The following MBNL1 variants were observed in gnomAD, a reference collection of about 807,000 sequenced individuals.
MBNL1 encodes muscleblind-like protein 1.
MBNL1 carries 8 observed loss-of-function variants against 42.2 expected under a neutral mutation model. The observed-to-expected ratio is 0.19, with a 90% CI of 0.11 to 0.34. MBNL1 has a LOEUF of 0.34. MBNL1 is among the 10% of genes least tolerant of loss of function. The pLI is 1.00. For synonymous variants in MBNL1, 169 were observed against 173.9 expected (o/e 0.97, Z 0.22); for missense variants, 309 against 495.3 (o/e 0.62, Z 3.57).
At chr3:152,433,418 T>A (rs946925453) in intron 4 of MBNL1, among the ~76,000 whole-genome samples, 10 of 152,146 alleles carry the variant, frequency 6.6e-5, no homozygotes, top group African/African-American at 1.9e-4. Flanking sequence ...AATATTTTGG[T>A]TGAAGTAGAA....
chr3:152,314,533 G>A (rs532688107), intron 2 of MBNL1, among the ~76,000 whole-genome samples: 13 of 152,042 alleles, frequency 8.6e-5, no homozygotes, highest in East Asian at 3.9e-4. Context: ...GTGCTACCAC[G>A]CCCGGCTAAT....
chr3:152,271,833 G>T (rs1576920404), intron 1 of MBNL1, among the ~76,000 whole-genome samples: 1 of 152,116 alleles, frequency 6.6e-6, no homozygotes, highest in Admixed American at 6.5e-5. Flanking sequence ...GTCCAGTACA[G>T]TAGCCACATG....
chr3:152,408,914 T>A (rs2098502643), intron 2 of MBNL1, among the ~76,000 whole-genome samples: 1 of 152,158 alleles, frequency 6.6e-6, no homozygotes, highest in East Asian at 1.9e-4. Flanking sequence ...CAAAAATATA[T>A]CTAGCCCAAA....
At chr3:152,279,821 G>A (rs1019077300) in intron 1 of MBNL1, among the ~76,000 whole-genome samples, 17 of 152,098 alleles carry the variant, frequency 1.1e-4, no homozygotes, top group Admixed American at 1.0e-3. Context: ...ATGGTTGTTT[G>A]ATTATTTTAT....
At chr3:152,410,936 C>G (rs554719959) in intron 2 of MBNL1, among the ~76,000 whole-genome samples, 2 of 152,340 alleles carry the variant, frequency 1.3e-5, no homozygotes, top group East Asian at 3.9e-4. Flanking sequence ...AATTGAGCAA[C>G]TGCTGCTTGT....
chr3:152,335,025 C>T (rs186791931), intron 2 of MBNL1: 2 of 1,182,576 alleles, frequency 1.7e-6, no homozygotes, highest in Non-Finnish European at 1.1e-6. Flanking sequence ...ATGGTCTGCT[C>T]CAGCTTCTGC....
intron 2 of MBNL1, among the ~76,000 whole-genome samples, chr3:152,310,467 T>C (rs2152007661): frequency 6.6e-6 from 1 of 152,344 alleles, no homozygotes; most frequent in East Asian, 1.9e-4. Context: ...ATAGCAAGAT[T>C]ATGAAGCACT....
intron 2 of MBNL1, among the ~76,000 whole-genome samples, chr3:152,350,147 G>GA (rs1390771177): frequency 6.6e-6 from 1 of 152,122 alleles, no homozygotes; most frequent in African/African-American, 2.4e-5. Flanking sequence ...AAGTGTCAGA[G>GA]AATGAGTAGG....
At chr3:152,323,065 A>G (rs893907467) in intron 2 of MBNL1, among the ~76,000 whole-genome samples, 2 of 152,116 alleles carry the variant, frequency 1.3e-5, no homozygotes, top group African/African-American at 4.8e-5. Context: ...CTAACTGCCT[A>G]AGTAAACTTG....
chr3:152,275,707 C>CAA lies in MBNL1; in HGVS notation c.-790+6640_-790+6641dup, dbSNP rs60796721. Among the ~76,000 whole-genome samples the CAA allele has an allele frequency of 7.4e-3, 218 of 29,640 alleles. 15 individuals are homozygous for CAA. Among genetic ancestry groups the CAA allele is most frequent in the African/African-American group, 8.6e-3 (48 of 5,556 alleles). 19.4% of individuals were successfully genotyped at this position (29,640 alleles called of 152,430 possible). On this transcript the variant is annotated intron_variant, in intron 1 of 9. Transcript: ENST00000324210. ...TGGCAACAGAGCAAGACTCTTGTCT[C>CAA]AAAAAAAAAAAAAAAAAAAAAAAAA...
intron 3 of MBNL1, among the ~76,000 whole-genome samples, chr3:152,427,057 G>C (rs569709595): frequency 2.0e-5 from 3 of 152,194 alleles, no homozygotes; most frequent in Admixed American, 2.0e-4. Flanking sequence ...CTTTATCCCA[G>C]AGTGTTTCTG....
chr3:152,302,842 T>C (rs967115630), intron 2 of MBNL1, among the ~76,000 whole-genome samples: 2 of 152,128 alleles, frequency 1.3e-5, no homozygotes, highest in African/African-American at 4.8e-5. Flanking sequence ...AGCCATGAGA[T>C]GGAGGTGGCC....
chr3:152,250,432 G>C (rs1306186008), intron 2 of MBNL1, among the ~76,000 whole-genome samples: 1 of 151,556 alleles, frequency 6.6e-6, no homozygotes, highest in South Asian at 2.1e-4. Context: ...TCTGTTGTTG[G>C]TGTATAAGAA....
intron 1 of MBNL1, among the ~76,000 whole-genome samples, chr3:152,285,095 AC>A (rs2050774963): frequency 2.0e-5 from 3 of 152,166 alleles, no homozygotes; most frequent in Non-Finnish European, 4.4e-5. Flanking sequence ...TGTAAAAGAG[AC>A]CATCTTATCT....
chr3:152,451,409 C>T (rs1251648562), intron 6 of MBNL1, among the ~76,000 whole-genome samples: 4 of 152,088 alleles, frequency 2.6e-5, no homozygotes, highest in African/African-American at 9.7e-5. Flanking sequence ...TCTGTTCTCC[C>T]CTTTCCTTTC....
chr3:152,290,100 A>G lies in MBNL1; in HGVS notation c.-789-9305A>G, dbSNP rs369935895. ...TATTCAATATAAATAAGCTAATACA[A>G]TTTTCCTGATTGAGGTTATCACACC... On this transcript the variant is annotated intron_variant, in intron 1 of 9. Transcript: ENST00000324210. Among the ~76,000 whole-genome samples, 50 of 152,170 alleles carry G rather than the reference A, an allele frequency of 3.3e-4. No homozygotes were observed. In the South Asian group the frequency reaches 0.01, roughly 32 times the overall value.
chr3:152,274,133 G>C (rs1438717710), intron 1 of MBNL1, among the ~76,000 whole-genome samples: 1 of 152,046 alleles, frequency 6.6e-6, no homozygotes, highest in Non-Finnish European at 1.5e-5. Context: ...TTTGACACTG[G>C]ATTTTTTCCT....
intron 2 of MBNL1, among the ~76,000 whole-genome samples, chr3:152,350,849 A>G (rs936112999): frequency 6.6e-6 from 1 of 152,100 alleles, no homozygotes; most frequent in Non-Finnish European, 1.5e-5. Context: ...TTATAGACCC[A>G]TCTCGATAGA....
intron 1 of MBNL1, among the ~76,000 whole-genome samples, chr3:152,284,519 C>T (rs895091379): frequency 1.3e-5 from 2 of 151,896 alleles, no homozygotes; most frequent in African/African-American, 2.4e-5. Flanking sequence ...ATGGTTTTAT[C>T]AGCTGTTAAT....
Sources: allele counts gnomAD v4.1 joint callset (sites outside exome capture counted in the v4.1 genomes callset), GRCh38; gene constraint gnomAD v4.1.1; transcripts MANE v1.5; gene names NCBI Gene and HGNC (gene_info 2026-07-23, HGNC 2026-07-21).